TMEM35A: variants seen among roughly 807,000 people sequenced by gnomAD.
TMEM35A encodes nicotinic acetylcholine receptor chaperone.
For synonymous variants in TMEM35A, 50 were observed against 54.7 expected, an observed-to-expected ratio of 0.91 and a Z score of 0.38; for missense variants, 83 against 132.7, an observed-to-expected ratio of 0.63 and a Z score of 1.84.
chrX:101,082,133 C>CTTTTT, intron 1 of TMEM35A, among the ~76,000 whole-genome samples: 73 of 20,397 alleles, frequency 3.6e-3, no homozygotes, highest in Non-Finnish European at 5.2e-3. Context: ...TTCTTTCTTT[C>CTTTTT]TTTTTTTTTT....
At chrX:101,090,326 T>TG (rs1402833595) in intron 1 of TMEM35A, among the ~76,000 whole-genome samples, 3 of 98,951 alleles carry the variant, frequency 3.0e-5, no homozygotes, top group Admixed American at 1.1e-4. Flanking sequence ...CTAATTTTTG[T>TG]ATTTTTTTTT....
intron 1 of TMEM35A, chrX:101,081,370 C>T (rs2089291407): frequency 8.9e-6 from 1 of 112,690 alleles, no homozygotes; most frequent in African/African-American, 3.2e-5. Context: ...CAGCTTTATT[C>T]TCGTTCCCAT....
Position 101,078,954 on chromosome X carries a change from G to A in TMEM35A, c.-49G>A, listed in dbSNP as rs1377754551. 1.7e-6 allele frequency: 2 copies of A among 1,208,781 alleles called. No individual in the cohort carries two copies. The highest frequency in any genetic ancestry group is 1.8e-5 in the South Asian group (1 of 56,737). On this transcript the variant is annotated 5_prime_UTR_variant, in exon 1 of 2. Coordinates refer to ENST00000372930, the MANE Select transcript of TMEM35A (RefSeq NM_021637.3). ...GCTAACTGCCTGCACCTTGGACAGA[G>A]CGGGTGCGCAAATCAGAAGGATTAG...
At chrX:101,086,545 A>G (rs765042760) in intron 1 of TMEM35A, among the ~76,000 whole-genome samples, 1 of 112,454 alleles carries the variant, frequency 8.9e-6, no homozygotes, top group South Asian at 3.6e-4. Context: ...GGGGAAACTG[A>G]GGTAATAAAA....
At chrX:101,082,738 G>C (rs1002833806) in intron 1 of TMEM35A, among the ~76,000 whole-genome samples, 2 of 110,056 alleles carry the variant, frequency 1.8e-5, no homozygotes, top group African/African-American at 6.6e-5. Flanking sequence ...TCTGCCTCCC[G>C]GGTTCAAGCG....
intron 1 of TMEM35A, among the ~76,000 whole-genome samples, chrX:101,082,133 C>CTTTCTTTTTTTTTTTTT (rs2089293836): frequency 4.9e-5 from 1 of 20,482 alleles, no homozygotes; most frequent in African/African-American, 1.7e-4. Flanking sequence ...TTCTTTCTTT[C>CTTTCTTTTTTTTTTTTT]TTTTTTTTTT....
chrX:101,079,603 G>A (rs2089285975), intron 1 of TMEM35A, among the ~76,000 whole-genome samples: 1 of 111,780 alleles, frequency 8.9e-6, no homozygotes, highest in Non-Finnish European at 1.9e-5. Context: ...GGGGCTGACT[G>A]GTATTCCTCA....
chrX:101,086,770 CAA>C (rs2089308409), intron 1 of TMEM35A, among the ~76,000 whole-genome samples: 1 of 110,700 alleles, frequency 9.0e-6, no homozygotes, highest in African/African-American at 3.3e-5. Flanking sequence ...ACAGACCTAA[CAA>C]AGTGAATTGC....
intron 1 of TMEM35A, among the ~76,000 whole-genome samples, chrX:101,079,930 TCTC>T (rs1228868280): frequency 9.0e-6 from 1 of 111,605 alleles, no homozygotes; most frequent in African/African-American, 3.3e-5. Context: ...GGCCAAAACA[TCTC>T]CTCTGCAACC....
intron 1 of TMEM35A, among the ~76,000 whole-genome samples, chrX:101,092,195 CA>C (rs1333518329): frequency 2.8e-4 from 26 of 91,807 alleles, no homozygotes; most frequent in Admixed American, 2.4e-4. Flanking sequence ...TCCTGGAAAG[CA>C]AAAAAAAAAG....
chrX:101,090,169 C>CTTTTTTTTTTTTT lies in TMEM35A; in HGVS notation c.121-4393_121-4392insTTTTTTTTTTTTT, dbSNP rs771239790. ...ACTCTGTCTTTCCATTTCTTTCTTT[C>CTTTTTTTTTTTTT]TTTTTTTTTTTGAGACAGAGTCTTG... On this transcript the variant is annotated intron_variant, in intron 1 of 1. Coordinates refer to ENST00000372930, the MANE Select transcript of TMEM35A (RefSeq NM_021637.3). Among the ~76,000 whole-genome samples, 199 of 97,465 alleles carry CTTTTTTTTTTTTT rather than the reference C, an allele frequency of 2.0e-3. 15 individuals carry two copies. Among genetic ancestry groups the CTTTTTTTTTTTTT allele is most frequent in the African/African-American group, 8.6e-3 (195 of 22,718 alleles). The allele number at this position is 97,465 out of a possible 115,157, so 84.6% of individuals were successfully genotyped here.
In TMEM35A at chrX:101,094,867, T is replaced by A; in HGVS notation, c.415T>A (p.Ser139Thr). The A allele has an allele frequency of 8.3e-7, 1 of 1,210,309 alleles. No homozygotes were observed. The highest frequency in any genetic ancestry group is 1.1e-6 in the Non-Finnish European group (1 of 895,472). Residue 139 changes from serine (S) to threonine (T), a missense_variant, in exon 2 of 2, where the codon TCT becomes ACT. Coordinates refer to ENST00000372930, the MANE Select transcript of TMEM35A (RefSeq NM_021637.3). ...GATTGCTCGCAAGCCCGAAGACCGG[T>A]CTTCTGAGAAGAAGCCTTTGCCAGG... ...LLIARKPEDR[S>T]SEKKPLPGNA...
intron 1 of TMEM35A, among the ~76,000 whole-genome samples, chrX:101,084,837 C>T (rs913299267): frequency 4.1e-4 from 45 of 110,957 alleles, no homozygotes; most frequent in African/African-American, 1.3e-3. Flanking sequence ...TGCACTACAG[C>T]CTGGACGACA....
intron 1 of TMEM35A, among the ~76,000 whole-genome samples, chrX:101,087,079 C>T (rs779499242): frequency 1.8e-5 from 2 of 108,915 alleles, no homozygotes; most frequent in Admixed American, 2.0e-4. Context: ...GCCTCAGCCT[C>T]CCGAGTAGCT....
intron 1 of TMEM35A, among the ~76,000 whole-genome samples, chrX:101,090,371 T>C (rs1243672209): frequency 1.9e-5 from 2 of 106,004 alleles, no homozygotes; most frequent in Non-Finnish European, 3.9e-5. Flanking sequence ...TTTCGCCATA[T>C]TGGCCAGGCT....
chrX:101,084,336 CAT>C (rs1198188768), intron 1 of TMEM35A, among the ~76,000 whole-genome samples: 3 of 111,159 alleles, frequency 2.7e-5, no homozygotes, highest in African/African-American at 6.5e-5. Flanking sequence ...AAAAATCACA[CAT>C]GAGTCAGTAC....
intron 1 of TMEM35A, among the ~76,000 whole-genome samples, chrX:101,080,651 G>A (rs989622288): frequency 1.8e-5 from 2 of 110,000 alleles, no homozygotes; most frequent in African/African-American, 6.6e-5. Context: ...TTGGGACAGA[G>A]GGACAGGGTG....
In TMEM35A at chrX:101,095,525, T is replaced by C. The variant is rs1295858039; in HGVS notation, c.*569T>C. The C allele has an allele frequency of 1.9e-5, 2 of 107,641 alleles. No homozygotes were observed. Among genetic ancestry groups the C allele is most frequent in the Admixed American group, 1.0e-4 (1 of 10,022 alleles). The allele number at this position is 107,641 out of a possible 1,213,427, so 8.9% of individuals were successfully genotyped here. ...ACAGATACTAACAACTTAAACTTACTACTTTAGGAGAAAAAAAAAAACATT... is the reference window on the plus strand; with the variant it reads ...ACAGATACTAACAACTTAAACTTACCACTTTAGGAGAAAAAAAAAAACATT... On this transcript the variant is annotated 3_prime_UTR_variant, in exon 2 of 2. Coordinates refer to ENST00000372930, the MANE Select transcript of TMEM35A (RefSeq NM_021637.3).
chrX:101,086,069 T>G (rs1450145668), intron 1 of TMEM35A, among the ~76,000 whole-genome samples: 1 of 112,498 alleles, frequency 8.9e-6, no homozygotes, highest in East Asian at 2.8e-4. Context: ...AATGATTTTG[T>G]TATTAAAATA....
Sources: allele counts gnomAD v4.1 joint callset (sites outside exome capture counted in the v4.1 genomes callset), GRCh38; gene constraint gnomAD v4.1.1; transcripts MANE v1.5; gene names NCBI Gene and HGNC (gene_info 2026-07-23, HGNC 2026-07-21).